Variants in KCNG2 observed in about 807,000 individuals in gnomAD.
KCNG2 encodes the protein voltage-gated potassium channel regulatory subunit KCNG2.
In KCNG2, 7 loss-of-function variants were observed where a neutral mutation model predicts 12.3. The observed-to-expected ratio is 0.57, with a 90% CI of 0.32 to 1.07. The LOEUF (loss-of-function observed/expected upper bound fraction) is 1.07. KCNG2 is among the 50% of genes least tolerant of loss of function. The pLI is 0.04. For missense variants in KCNG2, 703 were observed against 726.0 expected, an observed-to-expected ratio of 0.97 and a Z score of 0.36; for synonymous variants, 414 against 351.4, an observed-to-expected ratio of 1.18 and a Z score of -1.99.
In KCNG2 at chr18:79,839,359, G is replaced by A. The variant is rs552827347; in HGVS notation, c.-114-17020G>A. ...AAAATTAAGAAGAGAGAAGACACACGTTACCAACGTCAGGAACAAAATAGA... is the reference window on the plus strand; with the variant it reads ...AAAATTAAGAAGAGAGAAGACACACATTACCAACGTCAGGAACAAAATAGA... On this transcript the variant is annotated intron_variant, in intron 1 of 3. Coordinates refer to ENST00000316249, the MANE Select transcript of KCNG2 (RefSeq NM_012283.2). Among the ~76,000 whole-genome samples the A allele has an allele frequency of 6.6e-5, 10 of 152,176 alleles. No homozygotes were observed. In the South Asian group the frequency reaches 1.2e-3, roughly 19 times the overall value.
rs151245791 is a variant in KCNG2, at chr18:79,899,184, C to G, written c.769C>G (p.Leu257Val). Residue 257 changes from leucine to valine, a missense_variant, in exon 4 of 4, where the codon CTG becomes GTG. Leu to Val is a conservative substitution (Grantham distance 32, BLOSUM62 1). Transcript: ENST00000316249. ...CGCGCCACTCAACATCATTGACATC[C>G]TGGCGCTCCTGCCGTTCTACGTGTC... ...LRAPLNIIDI[L>V]ALLPFYVSLL... 13 of 1,604,432 alleles carry G rather than the reference C, an allele frequency of 8.1e-6. No homozygotes were observed. In the South Asian group the frequency reaches 1.3e-4, roughly 16 times the overall value.
At chr18:79,856,918 A>G (rs1378407338) in intron 2 of KCNG2, among the ~76,000 whole-genome samples, 2 of 151,412 alleles carry the variant, frequency 1.3e-5, no homozygotes, top group Non-Finnish European at 2.9e-5. Flanking sequence ...GGCTCGGGAA[A>G]TCTCCGCAGC....
chr18:79,860,620 C>T (rs11520415), intron 2 of KCNG2, among the ~76,000 whole-genome samples: 70,789 of 151,808 alleles, frequency 0.47, 18,755 homozygotes, highest in Middle Eastern at 0.6. Flanking sequence ...TTTTTTTTAC[C>T]GATCTCATGT....
intron 1 of KCNG2, among the ~76,000 whole-genome samples, chr18:79,834,643 T>G (rs1002165318): frequency 1.3e-5 from 2 of 152,144 alleles, no homozygotes. Flanking sequence ...GTGTATCAAG[T>G]GAATGAGAGA....
At chr18:79,870,594 G>A (rs1599414110) in intron 3 of KCNG2, among the ~76,000 whole-genome samples, 1 of 152,252 alleles carries the variant, frequency 6.6e-6, no homozygotes, top group East Asian at 1.9e-4. Flanking sequence ...AGACCTGCCC[G>A]CTGTTGGAGG....
chr18:79,802,205 C>T (rs1424714136), intron 1 of KCNG2, among the ~76,000 whole-genome samples: 5 of 152,146 alleles, frequency 3.3e-5, no homozygotes, highest in Admixed American at 1.3e-4. Context: ...AAGAGCTGCC[C>T]AAATACAGAC....
intron 3 of KCNG2, among the ~76,000 whole-genome samples, chr18:79,880,169 A>G (rs71367557): frequency 1.3e-5 from 2 of 152,062 alleles, no homozygotes; most frequent in African/African-American, 2.4e-5. Context: ...CTACAAAGTC[A>G]CCCAAAATGT....
chr18:79,891,578 C>T lies in KCNG2; in HGVS notation c.625-7462C>T, dbSNP rs184743143. ...CCATATAAGTTTGGATACGTTGTGT[C>T]TTCATTCTTACTCATCTCCAAGTCT... is the stretch of plus-strand genomic sequence containing the variant. On this transcript the variant is annotated intron_variant, in intron 3 of 3. Coordinates refer to ENST00000316249, the MANE Select transcript of KCNG2 (RefSeq NM_012283.2). Among the ~76,000 whole-genome samples the T allele has an allele frequency of 5.3e-5, 8 of 152,318 alleles. No individual in the cohort carries two copies. The East Asian group carries it at 1.5e-3, about 29-fold the overall frequency.
chr18:79,887,652 G>A (rs1434262803), intron 3 of KCNG2, among the ~76,000 whole-genome samples: 3 of 152,210 alleles, frequency 2.0e-5, no homozygotes, highest in African/African-American at 7.2e-5. Flanking sequence ...GGCGTCCCGA[G>A]GGCTCACAGC....
intron 3 of KCNG2, among the ~76,000 whole-genome samples, chr18:79,881,368 C>T (rs1456533862): frequency 6.6e-6 from 1 of 152,138 alleles, no homozygotes. Context: ...TAGAAACACG[C>T]CGTATGATTG....
At position 79,801,804 on chromosome 18, in the gene KCNG2, G is replaced by C. The variant is rs530767975; in HGVS notation, c.-115+3790G>C. 5.9e-5 allele frequency among the ~76,000 whole-genome samples: 9 copies of C among 152,342 alleles called. 1 individual carries two copies. The Middle Eastern group carries it at 0.01, about 173-fold the overall frequency. On this transcript the variant is annotated intron_variant, in intron 1 of 3. Transcript: ENST00000316249. The stretch of plus-strand genomic sequence containing the variant: ...TAGTTGTTCCTGGCTGAGCTCCTGG[G>C]TGCGGCACACAGAGGGGCTCCTGTG...
intron 3 of KCNG2, among the ~76,000 whole-genome samples, chr18:79,868,022 G>A (rs1021190088): frequency 3.3e-5 from 5 of 152,200 alleles, no homozygotes; most frequent in South Asian, 2.1e-4. Flanking sequence ...GCCTTCCCCC[G>A]TCGTCCCCAT....
chr18:79,877,248 G>A (rs1980110802), intron 3 of KCNG2, among the ~76,000 whole-genome samples: 1 of 152,150 alleles, frequency 6.6e-6, no homozygotes, highest in South Asian at 2.1e-4. Context: ...CAGGTACTTA[G>A]GGAGCGAAGG....
intron 1 of KCNG2, among the ~76,000 whole-genome samples, chr18:79,844,203 TG>T (rs1978549810): frequency 1.3e-5 from 2 of 152,150 alleles, no homozygotes. Context: ...AACATGTTAT[TG>T]ACATATACAC....
rs118088897 is a variant in KCNG2 at position 79,870,199 on chromosome 18, G to A, written c.624+5908G>A. 2.2e-3 allele frequency among the ~76,000 whole-genome samples: 333 copies of A among 152,364 alleles called. 1 individual carries two copies. The highest frequency in any genetic ancestry group is 0.01 in the East Asian group (53 of 5,188). On this transcript the variant is annotated intron_variant, in intron 3 of 3. Coordinates refer to ENST00000316249, the MANE Select transcript of KCNG2 (RefSeq NM_012283.2). ...GCTCCCAGACGAAGCCCCCCACGTCGAAGGCGCCCTGTGAACATACAGACG... is the reference window on the plus strand; with the variant it reads ...GCTCCCAGACGAAGCCCCCCACGTCAAAGGCGCCCTGTGAACATACAGACG...
intron 2 of KCNG2, among the ~76,000 whole-genome samples, chr18:79,860,268 TTTCAACTTGTCAATAGAATG>T (rs1211533512): frequency 1.3e-5 from 2 of 152,208 alleles, no homozygotes; most frequent in Non-Finnish European, 2.9e-5. Flanking sequence ...CCAATAGAAT[TTTCAACTTGTCAATAGAATG>T]TTCAACTTGT....
intron 1 of KCNG2, among the ~76,000 whole-genome samples, chr18:79,846,921 T>C (rs1407464068): frequency 2.0e-5 from 3 of 152,146 alleles, no homozygotes; most frequent in Admixed American, 2.0e-4. Flanking sequence ...CTGAAAGGTG[T>C]GTGTAGGTCG....
In KCNG2 at chr18:79,863,879, T is replaced by A. The variant is rs1426385595; in HGVS notation, c.212T>A (p.Phe71Tyr). The A allele has an allele frequency of 6.8e-7, 1 of 1,475,638 alleles. No homozygotes were observed. The highest frequency in any genetic ancestry group is 9.0e-7 in the Non-Finnish European group (1 of 1,111,522). 91.4% of individuals were successfully genotyped at this position (1,475,638 alleles called of 1,614,324 possible). A position where few individuals can be genotyped will look rare whatever the true frequency, so the allele number is the denominator to read the frequency against. ...GACGTGAGCCGCGACGAGTTCTTCT[T>A]CGACCGCAGCCCGTGCGCCTTCCGC... is the stretch of plus-strand genomic sequence containing the variant. ...DYDVSRDEFF[F>Y]DRSPCAFRAI... Residue 71 changes from phenylalanine to tyrosine, a missense_variant, in exon 3 of 4, where the codon TTC becomes TAC. By Grantham distance (22) the Phe-to-Tyr change is conservative. Coordinates refer to ENST00000316249, the MANE Select transcript of KCNG2 (RefSeq NM_012283.2).
intron 1 of KCNG2, among the ~76,000 whole-genome samples, chr18:79,831,667 G>A (rs1432732483): frequency 1.7e-5 from 2 of 119,168 alleles, no homozygotes; most frequent in African/African-American, 4.2e-5. Flanking sequence ...CAGAGCCTTC[G>A]TCAGGAGGGT....
Sources: gnomAD v4.1 joint callset for allele counts (sites outside exome capture counted in the v4.1 genomes callset) on GRCh38, gnomAD v4.1.1 for gene constraint, MANE v1.5 for transcripts, NCBI Gene and HGNC (gene_info 2026-07-23, HGNC 2026-07-21) for gene names.